The following FAM193A variants were observed in gnomAD, a reference collection of about 807,000 sequenced individuals.
FAM193A encodes protein FAM193A.
FAM193A carries 22 observed loss-of-function variants against 126.5 expected under a neutral mutation model. The observed-to-expected ratio is 0.17, with a 90% CI of 0.12 to 0.25. The LOEUF (loss-of-function observed/expected upper bound fraction) is 0.25, where lower values mean the gene tolerates loss of function less well. FAM193A is among the 10% of genes least tolerant of loss of function. The pLI, the probability that FAM193A is intolerant of heterozygous loss-of-function variation, is 1.00. For synonymous variants in FAM193A, 761 were observed against 646.8 expected (o/e 1.18, Z -2.68); for missense variants, 1,675 against 1,672.8 (o/e 1.00, Z -0.02).
At chr4:2,542,845 A>G (rs553205827) in intron 1 of FAM193A, among the ~76,000 whole-genome samples, 2 of 152,248 alleles carry the variant, frequency 1.3e-5, no homozygotes, top group South Asian at 4.1e-4. Context: ...TGTGTGCGGG[A>G]CACAGCACTA....
chr4:2,700,121 C>T lies in FAM193A; in HGVS notation c.3949C>T (p.Gln1317Ter), dbSNP rs1423400195. 1 of 1,613,724 alleles carries T rather than the reference C, an allele frequency of 6.2e-7. No homozygotes were observed. Residue 1317 changes from glutamine (Q) to a stop codon, truncating the protein, a stop_gained, in exon 19 of 21, where the codon CAG becomes TAG. Transcript: ENST00000637812. LOFTEE classifies it high-confidence loss of function. Reference sequence around the variant, plus strand: ...CCTCCCCAAGGAGGTGAATGGGAAGCAGCATGAGCCACTCTCTTTTTTCTT... The same window carrying T: ...CCTCCCCAAGGAGGTGAATGGGAAGTAGCATGAGCCACTCTCTTTTTTCTT... Reference protein sequence around the residue: ...FLLPKEVNGKQHEPLSFFFDI... With the variant: ...FLLPKEVNGK
chr4:2,539,511 T>C (rs532256723), intron 1 of FAM193A, among the ~76,000 whole-genome samples: 1 of 151,746 alleles, frequency 6.6e-6, no homozygotes, highest in East Asian at 2.0e-4. Context: ...ACCTCCAATT[T>C]CTGGGCTAAG....
intron 17 of FAM193A, among the ~76,000 whole-genome samples, chr4:2,695,482 C>CGTT (rs1716928545): frequency 6.6e-6 from 1 of 152,076 alleles, no homozygotes; most frequent in Non-Finnish European, 1.5e-5. Context: ...ATACAGAGGG[C>CGTT]GTTGGTACAC....
chr4:2,691,140 C>G (rs1716334332), intron 15 of FAM193A, among the ~76,000 whole-genome samples, 170 bp downstream of exon 15: 1 of 152,236 alleles, frequency 6.6e-6, no homozygotes, highest in South Asian at 2.1e-4. Context: ...TCCCCTAGGA[C>G]TTTGATTAGA....
At chr4:2,594,820 C>CTTTTTTTTTTTTTTTTTTTTTTTT (rs386399069) in intron 1 of FAM193A, among the ~76,000 whole-genome samples, 7 of 62,210 alleles carry the variant, frequency 1.1e-4, no homozygotes, top group Admixed American at 1.8e-4. Flanking sequence ...TTTTCTTTTC[C>CTTTTTTTTTTTTTTTTTTTTTTTT]TTTTTTTTTT....
chr4:2,598,128 C>G (rs890503044), intron 2 of FAM193A, among the ~76,000 whole-genome samples: 2 of 152,086 alleles, frequency 1.3e-5, no homozygotes, highest in Admixed American at 6.5e-5. Context: ...TGGTCTCGAT[C>G]GTGATCCGCC....
chr4:2,591,351 C>G (rs1740561543), intron 1 of FAM193A, among the ~76,000 whole-genome samples: 1 of 152,124 alleles, frequency 6.6e-6, no homozygotes, highest in South Asian at 2.1e-4. Flanking sequence ...TGATCCTTTG[C>G]TAAGGACTTG....
At chr4:2,552,152 C>T (rs966498910) in intron 1 of FAM193A, among the ~76,000 whole-genome samples, 1 of 151,644 alleles carries the variant, frequency 6.6e-6, no homozygotes, top group African/African-American at 2.4e-5. Context: ...GCTGGGACTA[C>T]AGGTGCCCAC....
At chr4:2,567,945 C>T (rs772424102) in intron 1 of FAM193A, among the ~76,000 whole-genome samples, 24 of 152,180 alleles carry the variant, frequency 1.6e-4, no homozygotes, top group Admixed American at 5.2e-4. Flanking sequence ...CCCTCCAGCA[C>T]GTCCTGTTTT....
chr4:2,722,463 C>G (rs964565970), intron 20 of FAM193A, among the ~76,000 whole-genome samples: 27 of 152,188 alleles, frequency 1.8e-4, no homozygotes, highest in African/African-American at 6.5e-4. Context: ...CTTGAGCATT[C>G]TATTCCAGCT....
intron 18 of FAM193A, among the ~76,000 whole-genome samples, chr4:2,699,442 C>CG (rs1553912483): frequency 3.5e-5 from 3 of 85,522 alleles, no homozygotes; most frequent in Admixed American, 1.4e-4. Flanking sequence ...TACCACCCCC[C>CG]CCCCCACACA....
chr4:2,699,436 A>AC (rs111815931), intron 18 of FAM193A, among the ~76,000 whole-genome samples: 1,384 of 61,032 alleles, frequency 0.023, 122 homozygotes, highest in Middle Eastern at 0.049. Context: ...GTTAACTACC[A>AC]CCCCCCCCCC....
chr4:2,659,753 G>A (rs200587277), intron 9 of FAM193A, 59 bp from the exon 10 acceptor site: 2 of 1,613,802 alleles, frequency 1.2e-6, no homozygotes, highest in Non-Finnish European at 1.7e-6. Context: ...GACCCTTAGA[G>A]AGCATGGTCT....
At chr4:2,604,663 A>G (rs563839730) in intron 2 of FAM193A, among the ~76,000 whole-genome samples, 17 of 150,496 alleles carry the variant, frequency 1.1e-4, no homozygotes, top group Non-Finnish European at 8.8e-5. Flanking sequence ...TTTTTTTTGC[A>G]CATCTGCACA....
chr4:2,607,514 G>C (rs1741616914), intron 2 of FAM193A, among the ~76,000 whole-genome samples: 1 of 152,196 alleles, frequency 6.6e-6, no homozygotes, highest in African/African-American at 2.4e-5. Flanking sequence ...GTTAACCACA[G>C]ATTTCTTGAA....
chr4:2,669,858 A>T (rs1280911021), intron 12 of FAM193A, among the ~76,000 whole-genome samples: 1 of 152,148 alleles, frequency 6.6e-6, no homozygotes, highest in Non-Finnish European at 1.5e-5. Flanking sequence ...GTCTGGGGTC[A>T]TCCTAGGGAC....
Position 2,626,505 on chromosome 4 carries a change from G to A in FAM193A, c.731G>A (p.Gly244Glu). The part of the protein sequence containing the change: ...YTVRCIYRQA[G>E]TPLADDQDQS... ...GTGCGCTGCATCTACCGCCAGGCAGGAACCCCGCTGGCAGATGACCAGGAC... is the reference window on the plus strand; with the variant it reads ...GTGCGCTGCATCTACCGCCAGGCAGAAACCCCGCTGGCAGATGACCAGGAC... Residue 244 changes from glycine to glutamate, a missense_variant, in exon 4 of 21, where the codon GGA (glycine) becomes GAA (glutamate). By Grantham distance (98) the Gly-to-Glu change is moderately conservative. This residue lies in a region of FAM193A where 1,186 missense variants were observed against 1,109.2 expected (regional missense o/e 1.07). Coordinates refer to ENST00000637812, the MANE Select transcript of FAM193A (RefSeq NM_001366318.2). The A allele has an allele frequency of 1.4e-6, 1 of 702,534 alleles. No homozygotes were observed. The highest frequency in any genetic ancestry group is 2.6e-6 in the Non-Finnish European group (1 of 384,958). 43.5% of individuals were successfully genotyped at this position (702,534 alleles called of 1,614,324 possible). A position where few individuals can be genotyped will look rare whatever the true frequency, so the allele number is the denominator to read the frequency against.
chr4:2,566,581 C>G (rs1164902295), intron 1 of FAM193A, among the ~76,000 whole-genome samples: 1 of 151,836 alleles, frequency 6.6e-6, no homozygotes, highest in African/African-American at 2.4e-5. Context: ...CCCAGCTACT[C>G]GGGAGGCTGA....
chr4:2,559,302 G>A (rs1256012643), intron 1 of FAM193A, among the ~76,000 whole-genome samples: 1 of 152,184 alleles, frequency 6.6e-6, no homozygotes, highest in African/African-American at 2.4e-5. Flanking sequence ...ACTGAGGCCC[G>A]AAGACTTGAG....
Sources: allele counts gnomAD v4.1 joint callset (sites outside exome capture counted in the v4.1 genomes callset), GRCh38; gene constraint gnomAD v4.1.1; regional missense constraint gnomAD v4.1.1; transcripts MANE v1.5; gene names NCBI Gene and HGNC (gene_info 2026-07-23, HGNC 2026-07-21).